Variants in PSD3 observed in about 807,000 individuals in gnomAD.
PSD3 encodes the protein PH and SEC7 domain-containing protein 3.
PSD3 carries 49 observed loss-of-function variants against 105.5 expected under a neutral mutation model. The observed-to-expected ratio is 0.46, with a 90% CI of 0.37 to 0.59. The LOEUF (loss-of-function observed/expected upper bound fraction) is 0.59, where lower values mean the gene tolerates loss of function less well. Among genes scored for constraint, PSD3 ranks in the 20% least tolerant of loss-of-function variants. The probability of loss-of-function intolerance (pLI) is 0.00; values close to 1 mark genes in which losing one functional copy is unlikely to be tolerated. For synonymous variants in PSD3, 557 were observed against 457.8 expected (o/e 1.22, Z -2.77); for missense variants, 1,561 against 1,263.8 (o/e 1.24, Z -3.57).
intron 12 of PSD3, among the ~76,000 whole-genome samples, chr8:18,582,636 T>C (rs1438262240): frequency 6.6e-6 from 1 of 152,130 alleles, no homozygotes; most frequent in Non-Finnish European, 1.5e-5. Flanking sequence ...CATAATTGCT[T>C]ACTGGACACA....
At chr8:18,910,561 G>A (rs1307452893) in intron 2 of PSD3, among the ~76,000 whole-genome samples, 7 of 119,458 alleles carry the variant, frequency 5.9e-5, no homozygotes, top group South Asian at 3.2e-4. Context: ...TGGGTGCAGC[G>A]CACCAGCATG....
intron 9 of PSD3, among the ~76,000 whole-genome samples, chr8:18,657,393 C>A (rs1808980272): frequency 6.6e-6 from 1 of 152,190 alleles, no homozygotes; most frequent in African/African-American, 2.4e-5. Flanking sequence ...TGAAAGTTCT[C>A]AATTGTGGCT....
intron 9 of PSD3, among the ~76,000 whole-genome samples, chr8:18,739,445 T>C (rs983616726): frequency 2.2e-4 from 33 of 152,304 alleles, no homozygotes; most frequent in Middle Eastern, 3.4e-3. Context: ...CTGGACTCTA[T>C]AGAGAACCAG....
intron 1 of PSD3, among the ~76,000 whole-genome samples, chr8:19,012,093 C>T (rs1364252900): frequency 6.6e-6 from 1 of 152,224 alleles, no homozygotes; most frequent in Non-Finnish European, 1.5e-5. Flanking sequence ...GGCAAAAACT[C>T]ACCCAGTCAG....
At chr8:18,982,761 C>G (rs1218736335) in intron 1 of PSD3, among the ~76,000 whole-genome samples, 1 of 152,160 alleles carries the variant, frequency 6.6e-6, no homozygotes, top group Non-Finnish European at 1.5e-5. Flanking sequence ...AACCATGCTG[C>G]TAATAGACGT....
chr8:18,680,767 G>A (rs1800341891), intron 9 of PSD3, among the ~76,000 whole-genome samples: 1 of 152,150 alleles, frequency 6.6e-6, no homozygotes, highest in Non-Finnish European at 1.5e-5. Context: ...ATTTTAGTAG[G>A]TTAAATAATA....
intron 1 of PSD3, among the ~76,000 whole-genome samples, chr8:19,071,783 C>T (rs916273050): frequency 2.6e-5 from 4 of 152,162 alleles, no homozygotes; most frequent in Non-Finnish European, 4.4e-5. Flanking sequence ...TGCAATGGCT[C>T]ACTGCAGCCT....
At chr8:18,650,979 A>T (rs988546200) in intron 10 of PSD3, among the ~76,000 whole-genome samples, 1 of 152,212 alleles carries the variant, frequency 6.6e-6, no homozygotes, top group Non-Finnish European at 1.5e-5. Context: ...GGACCTATTG[A>T]TGAACACTTC....
intron 2 of PSD3, chr8:18,886,895 C>G (rs1818481343): frequency 6.6e-6 from 1 of 152,346 alleles, no homozygotes; most frequent in East Asian, 1.9e-4. Flanking sequence ...CCCGTTTGCT[C>G]TCCCTGTCTG....
intron 15 of PSD3, among the ~76,000 whole-genome samples, chr8:18,550,680 G>A (rs922531883): frequency 2.6e-5 from 4 of 152,120 alleles, no homozygotes; most frequent in South Asian, 2.1e-4. Flanking sequence ...AATACCTCAC[G>A]TAATATACTA....
intron 1 of PSD3, among the ~76,000 whole-genome samples, chr8:18,949,660 T>C (rs888704498): frequency 3.3e-5 from 5 of 152,090 alleles, no homozygotes; most frequent in Admixed American, 6.6e-5. Context: ...GACCAGATCA[T>C]ACCAAGCATT....
chr8:18,892,461 G>A (rs184061030), intron 2 of PSD3, among the ~76,000 whole-genome samples: 1 of 151,832 alleles, frequency 6.6e-6, no homozygotes, highest in Non-Finnish European at 1.5e-5. Flanking sequence ...CTGACCTCAT[G>A]ATCTGCCTGC....
At chr8:18,936,280 AC>A (rs1822128307) in intron 1 of PSD3, 138 bp from the exon 2 acceptor site, 1 of 596,748 alleles carries the variant, frequency 1.7e-6, no homozygotes, top group Non-Finnish European at 3.0e-6. Context: ...TCAAAATGAA[AC>A]ATGAAAAGTG....
At chr8:18,859,224 CTT>C (rs35179243) in intron 4 of PSD3, among the ~76,000 whole-genome samples, 96 of 130,206 alleles carry the variant, frequency 7.4e-4, no homozygotes, top group Admixed American at 9.3e-4. Context: ...CAAAGAAATC[CTT>C]TTTTTTTTTT....
At chr8:18,655,581 A>G in intron 10 of PSD3, 61 bp downstream of exon 10, 1 of 1,471,336 alleles carries the variant, frequency 6.8e-7, no homozygotes, top group Non-Finnish European at 9.5e-7. Flanking sequence ...TCCAAGGCAT[A>G]AAGACAGTAG....
chr8:19,051,738 C>G (rs1404301373), intron 1 of PSD3, among the ~76,000 whole-genome samples: 1 of 152,202 alleles, frequency 6.6e-6, no homozygotes, highest in African/African-American at 2.4e-5. Flanking sequence ...TACTAGACTG[C>G]TGGCAGGGGT....
At chr8:18,936,743 G>C (rs1822162507) in intron 1 of PSD3, among the ~76,000 whole-genome samples, 1 of 149,564 alleles carries the variant, frequency 6.7e-6, no homozygotes, top group South Asian at 2.1e-4. Context: ...GGGTGACAGA[G>C]CTAGACTCCA....
intron 1 of PSD3, among the ~76,000 whole-genome samples, chr8:19,054,873 T>C (rs533227911): frequency 6.6e-6 from 1 of 152,338 alleles, no homozygotes; most frequent in Admixed American, 6.5e-5. Flanking sequence ...ATATACATTA[T>C]ACACTATAGA....
At chr8:19,023,119 G>A (rs1827418230) in intron 1 of PSD3, among the ~76,000 whole-genome samples, 1 of 152,114 alleles carries the variant, frequency 6.6e-6, no homozygotes, top group African/African-American at 2.4e-5. Context: ...TCTGAAAGAT[G>A]GGAGAGATGT....
Sources: gnomAD v4.1 joint callset for allele counts (sites outside exome capture counted in the v4.1 genomes callset) on GRCh38, gnomAD v4.1.1 for gene constraint, MANE v1.5 for transcripts, NCBI Gene and HGNC (gene_info 2026-07-23, HGNC 2026-07-21) for gene names.